SORCS2: variants seen among roughly 807,000 people sequenced by gnomAD.
SORCS2 encodes the protein sortilin related VPS10 domain containing receptor 2, also known as VPS10 domain-containing receptor SorCS2.
Under a neutral mutation model 141.6 loss-of-function variants are expected in SORCS2, and 100 were observed. That is an observed-to-expected ratio of 0.71 (90% CI 0.60 to 0.83). The LOEUF is 0.83. SORCS2 is among the 40% of genes least tolerant of loss of function. The pLI is 0.00. For synonymous variants in SORCS2, 789 were observed against 676.9 expected (o/e 1.17, Z -2.57); for missense variants, 1,646 against 1,560.2 (o/e 1.05, Z -0.93).
chr4:7,620,885 T>G (rs12503042), intron 3 of SORCS2, among the ~76,000 whole-genome samples: 1 of 152,114 alleles, frequency 6.6e-6, no homozygotes, highest in Non-Finnish European at 1.5e-5. Flanking sequence ...CCTCTTCTCC[T>G]GCTCCTCGGC....
chr4:7,605,040 G>A (rs555399142), intron 3 of SORCS2, among the ~76,000 whole-genome samples: 25 of 152,314 alleles, frequency 1.6e-4, no homozygotes, highest in East Asian at 3.9e-4. Flanking sequence ...GGATAGAAGC[G>A]TATTTCTCTC....
At chr4:7,260,711 A>G (rs1372101369) in intron 1 of SORCS2, among the ~76,000 whole-genome samples, 1 of 152,210 alleles carries the variant, frequency 6.6e-6, no homozygotes, top group Non-Finnish European at 1.5e-5. Flanking sequence ...GTGGCAACTC[A>G]GGGTGGTAAG....
At chr4:7,539,742 G>A (rs990091318) in intron 3 of SORCS2, among the ~76,000 whole-genome samples, 14 of 88,454 alleles carry the variant, frequency 1.6e-4, no homozygotes, top group African/African-American at 3.7e-4. Flanking sequence ...CTGCTGTGGC[G>A]GCCCCACCCC....
intron 1 of SORCS2, among the ~76,000 whole-genome samples, chr4:7,239,217 ACCT>A (rs992876849): frequency 6.6e-6 from 1 of 151,122 alleles, no homozygotes; most frequent in African/African-American, 2.4e-5. Context: ...TTGAAGGGGG[ACCT>A]CCTCCTCACT....
chr4:7,591,114 G>C (rs1434309274), intron 3 of SORCS2, among the ~76,000 whole-genome samples: 5 of 152,126 alleles, frequency 3.3e-5, no homozygotes, highest in Admixed American at 6.5e-5. Context: ...AGTGGGCACC[G>C]GGCCAGCGCG....
intron 1 of SORCS2, among the ~76,000 whole-genome samples, chr4:7,329,524 G>A (rs1294714910): frequency 3.9e-5 from 6 of 152,230 alleles, no homozygotes. Flanking sequence ...GCTGCAGGTA[G>A]CTCAGTCTGG....
At chr4:7,492,262 C>T (rs1297988858) in intron 2 of SORCS2, among the ~76,000 whole-genome samples, 1 of 152,240 alleles carries the variant, frequency 6.6e-6, no homozygotes, top group Non-Finnish European at 1.5e-5. Context: ...CGGTAACTAC[C>T]ATTCTACTCT....
intron 2 of SORCS2, among the ~76,000 whole-genome samples, chr4:7,510,598 T>G (rs58976939): frequency 6.4e-5 from 9 of 140,370 alleles, no homozygotes; most frequent in Non-Finnish European, 1.1e-4. Context: ...GCTTGTTCTG[T>G]GCGCGGCATG....
chr4:7,390,887 T>A (rs564190430), intron 1 of SORCS2, among the ~76,000 whole-genome samples: 1 of 152,290 alleles, frequency 6.6e-6, no homozygotes, highest in South Asian at 2.1e-4. Flanking sequence ...CGGCTCTAGT[T>A]TTTGGAAGGG....
At chr4:7,273,678 C>T (rs1166516403) in intron 1 of SORCS2, among the ~76,000 whole-genome samples, 1 of 152,192 alleles carries the variant, frequency 6.6e-6, no homozygotes, top group Non-Finnish European at 1.5e-5. Context: ...ATGCAGCTTG[C>T]AGGAGACAGC....
At chr4:7,246,964 T>C (rs1713140365) in intron 1 of SORCS2, among the ~76,000 whole-genome samples, 1 of 152,204 alleles carries the variant, frequency 6.6e-6, no homozygotes, top group Admixed American at 6.5e-5. Context: ...GTCCCCTTCC[T>C]TATTCCCCAG....
At chr4:7,343,060 G>T (rs371519109) in intron 1 of SORCS2, among the ~76,000 whole-genome samples, 1 of 152,216 alleles carries the variant, frequency 6.6e-6, no homozygotes, top group Non-Finnish European at 1.5e-5. Flanking sequence ...CGTAGTCCCC[G>T]ACCCTGTGGG....
chr4:7,730,461 A>G (rs574572172), intron 23 of SORCS2, among the ~76,000 whole-genome samples: 12 of 152,362 alleles, frequency 7.9e-5, no homozygotes, highest in African/African-American at 2.9e-4. Flanking sequence ...ACATGGATTC[A>G]CAGCAGCATT....
At chr4:7,718,214 G>T (rs750827312) in intron 18 of SORCS2, 31 bp downstream of exon 18, 48 of 1,596,584 alleles carry the variant, frequency 3.0e-5, no homozygotes, top group Non-Finnish European at 3.5e-5. Flanking sequence ...AGGCTCCTGG[G>T]ACTGTCGGGC....
chr4:7,343,428 C>A (rs1453455552), intron 1 of SORCS2, among the ~76,000 whole-genome samples: 1 of 152,212 alleles, frequency 6.6e-6, no homozygotes, highest in Non-Finnish European at 1.5e-5. Context: ...CGTCCCTGTC[C>A]CCACACTGGA....
intron 9 of SORCS2, among the ~76,000 whole-genome samples, chr4:7,677,137 G>A (rs73076426): frequency 0.03 from 4,572 of 151,974 alleles, 224 homozygotes; most frequent in African/African-American, 0.1. Flanking sequence ...CACCACCTAC[G>A]AAGCTCTGGC....
chr4:7,384,160 T>C (rs750126327), intron 1 of SORCS2, among the ~76,000 whole-genome samples: 2 of 152,100 alleles, frequency 1.3e-5, no homozygotes, highest in African/African-American at 4.8e-5. Flanking sequence ...GGCTGCATGG[T>C]GGAGTCTGAG....
At chr4:7,322,581 C>T (rs1410316716) in intron 1 of SORCS2, among the ~76,000 whole-genome samples, 4 of 152,186 alleles carry the variant, frequency 2.6e-5, no homozygotes, top group Non-Finnish European at 5.9e-5. Flanking sequence ...TCACACAGAA[C>T]AGAAGTCGGA....
At chr4:7,386,713 A>G (rs540291900) in intron 1 of SORCS2, among the ~76,000 whole-genome samples, 2 of 141,882 alleles carry the variant, frequency 1.4e-5, no homozygotes, top group South Asian at 4.8e-4. Context: ...ATACAGAGAT[A>G]CACATGCACA....
Sources: allele counts gnomAD v4.1 joint callset (sites outside exome capture counted in the v4.1 genomes callset), GRCh38; gene constraint gnomAD v4.1.1; transcripts MANE v1.5; gene names NCBI Gene and HGNC (gene_info 2026-07-23, HGNC 2026-07-21).